The following ARGLU1 variants were observed in gnomAD, a reference collection of about 807,000 sequenced individuals.
The protein encoded by ARGLU1 is arginine and glutamate rich 1, also known as arginine and glutamate-rich protein 1.
ARGLU1 carries 9 observed loss-of-function variants against 37.6 expected under a neutral mutation model. That is an observed-to-expected ratio of 0.24 (90% CI 0.14 to 0.42). The LOEUF (loss-of-function observed/expected upper bound fraction) is 0.42, where lower values mean the gene tolerates loss of function less well. Ranked by LOEUF, ARGLU1 falls within the 10% of genes least tolerant of loss-of-function variation. The pLI is 1.00. For missense variants in ARGLU1, 211 were observed against 359.2 expected (o/e 0.59, Z 3.34); for synonymous variants, 166 against 138.5 (o/e 1.20, Z -1.39).
rs76571907 is a variant in ARGLU1 at position 106,554,379 on chromosome 13, G to C, written c.657+2669C>G. Among the ~76,000 whole-genome samples the C allele has an allele frequency of 3.5e-3, 537 of 152,116 alleles. 4 individuals carry two copies. The highest frequency in any genetic ancestry group is 0.013 in the African/African-American group (521 of 41,482). On this transcript the variant is annotated intron_variant, in intron 3 of 3. Coordinates refer to ENST00000400198, the MANE Select transcript of ARGLU1 (RefSeq NM_018011.4). ...TATATGGTATCAAGTACTTTTAATAGGAGTTTGAATGTATTTTACATATTT... is the reference window on the plus strand; with the variant it reads ...TATATGGTATCAAGTACTTTTAATACGAGTTTGAATGTATTTTACATATTT...
chr13:106,544,720 T>G (rs778938961), intron 3 of ARGLU1, among the ~76,000 whole-genome samples: 16 of 151,906 alleles, frequency 1.1e-4, no homozygotes, highest in African/African-American at 3.6e-4. Context: ...AACAGAAACA[T>G]AGGAAAAAAT....
intron 3 of ARGLU1, among the ~76,000 whole-genome samples, chr13:106,548,881 TG>T (rs1406548447): frequency 3.3e-5 from 5 of 152,202 alleles, no homozygotes; most frequent in African/African-American, 9.7e-5. Flanking sequence ...CCCGAGTAGC[TG>T]GGACTACAGG....
rs2138961527 is a variant in ARGLU1, at chr13:106,544,177, A to G, written c.658-17T>C. The G allele has an allele frequency of 2.6e-6, 4 of 1,529,916 alleles. No individual in the cohort carries two copies. In the Middle Eastern group the frequency reaches 9.5e-4, roughly 362 times the overall value. 94.8% of individuals were successfully genotyped at this position (1,529,916 alleles called of 1,614,324 possible). A position where few individuals can be genotyped will look rare whatever the true frequency, so the allele number is the denominator to read the frequency against. On this transcript the variant is annotated splice_polypyrimidine_tract_variant and intron_variant, in intron 3 of 3. Transcript: ENST00000400198. ...TTCTTCGGCCTGAAAGTTAAAAGTA[A>G]AAATTAATTATAGAAATGTATTAAA...
In ARGLU1 at chr13:106,557,730, A is replaced by G; in HGVS notation, c.574-599T>C. 7.3e-7 allele frequency: 1 copy of G among 1,366,478 alleles called. No homozygotes were observed. Among genetic ancestry groups the G allele is most frequent in the Non-Finnish European group, 9.5e-7 (1 of 1,048,078 alleles). The allele number at this position is 1,366,478 out of a possible 1,614,324, so 84.6% of individuals were successfully genotyped here. A position where few individuals can be genotyped will look rare whatever the true frequency, so the allele number is the denominator to read the frequency against. ...CTGAGGAATGCAGATGTTTATGGTA[A>G]GAAGGAACAAAAAATGTAATTCATC... On this transcript the variant is annotated intron_variant, in intron 2 of 3. Coordinates refer to ENST00000400198, the MANE Select transcript of ARGLU1 (RefSeq NM_018011.4). The surrounding 1 kb of genome is among the most constrained non-coding windows in gnomAD (Gnocchi z 5.0).
intron 3 of ARGLU1, among the ~76,000 whole-genome samples, chr13:106,553,564 G>T (rs148267875): frequency 7.2e-5 from 11 of 152,168 alleles, no homozygotes; most frequent in African/African-American, 2.4e-4. Context: ...CAGGTAAAGA[G>T]GTATCTGTAT....
rs1021842277 is a variant in ARGLU1 at position 106,567,674 on chromosome 13, G to T, written c.246C>A (p.Ile82=). The T allele has an allele frequency of 6.2e-7, 1 of 1,613,432 alleles. No individual in the cohort carries two copies. The highest frequency in any genetic ancestry group is 8.5e-7 in the Non-Finnish European group (1 of 1,179,662). The change falls in exon 1 of 4, where the codon ATC becomes ATA. Residue 82 remains isoleucine, a synonymous_variant. Transcript: ENST00000400198. The surrounding 1 kb of genome is among the most constrained non-coding windows in gnomAD (Gnocchi z 4.3). ...RERASSPPDR[I]DIFGRTVSKR... ...TGCTCACCGTGCGCCCGAAGATGTC[G>T]ATGCGGTCGGGCGGGGACGAGGCGC...
At chr13:106,566,654 C>T (rs1880971381) in intron 1 of ARGLU1, among the ~76,000 whole-genome samples, 1 of 152,194 alleles carries the variant, frequency 6.6e-6, no homozygotes, top group African/African-American at 2.4e-5. Context: ...GATTATTTAT[C>T]CACATCTACT....
chr13:106,559,093 A>C (rs1880729771), intron 2 of ARGLU1: 2 of 1,235,358 alleles, frequency 1.6e-6, no homozygotes, highest in African/African-American at 3.1e-5. Context: ...TGGATTTTTA[A>C]CCTTTTCCCT....
intron 3 of ARGLU1, among the ~76,000 whole-genome samples, chr13:106,544,998 T>A (rs1395246241): frequency 6.6e-6 from 1 of 152,170 alleles, no homozygotes; most frequent in African/African-American, 2.4e-5. Flanking sequence ...TTTACCAAAG[T>A]CAGGCCCTTC....
At chr13:106,551,706 T>C (rs746175913) in intron 3 of ARGLU1, among the ~76,000 whole-genome samples, 13 of 152,200 alleles carry the variant, frequency 8.5e-5, no homozygotes, top group South Asian at 2.1e-4. Context: ...CTGGAGTCTT[T>C]AGCGGAGAGT....
At chr13:106,544,188 T>C (rs373211319) in intron 3 of ARGLU1, 28 bp from the exon 4 acceptor site, 12 of 1,508,386 alleles carry the variant, frequency 8.0e-6, no homozygotes, top group South Asian at 1.3e-5. Context: ...AAATTAATTA[T>C]AGAAATGTAT....
At chr13:106,554,900 A>G (rs1360468917) in intron 3 of ARGLU1, among the ~76,000 whole-genome samples, 1 of 152,070 alleles carries the variant, frequency 6.6e-6, no homozygotes, top group Non-Finnish European at 1.5e-5. Context: ...GAAAAAAAAA[A>G]AAAATTTCTC....
In ARGLU1 at chr13:106,556,290, GCTCA is replaced by G. The variant is rs1418676471; in HGVS notation, c.657+754_657+757del. Among the ~76,000 whole-genome samples, 7 of 152,272 alleles carry G rather than the reference GCTCA, an allele frequency of 4.6e-5. No homozygotes were observed. The East Asian group carries it at 9.7e-4, about 21-fold the overall frequency. On this transcript the variant is annotated intron_variant, in intron 3 of 3. Coordinates refer to ENST00000400198, the MANE Select transcript of ARGLU1 (RefSeq NM_018011.4). The stretch of plus-strand genomic sequence containing the variant: ...ATTTACCAAGAATCCATTGTGCCAT[GCTCA>G]CTAAGTTATCTGGAATATTTCTAGC...
rs372122125 is a variant in ARGLU1 at position 106,566,936 on chromosome 13, CT to C, written c.347+636del. ...TCGCACTGTACACTTAAGGTCTATG[CT>C]TTTTTTTTTTAACATCTCAAGGAAG... On this transcript the variant is annotated intron_variant, in intron 1 of 3. Transcript: ENST00000400198. 4.2e-3 allele frequency among the ~76,000 whole-genome samples: 608 copies of C among 145,722 alleles called. 3 individuals carry two copies. The highest frequency in any genetic ancestry group is 0.013 in the African/African-American group (510 of 39,940).
chr13:106,543,495 T>C lies in ARGLU1; in HGVS notation c.*501A>G, dbSNP rs1306295204. On this transcript the variant is annotated 3_prime_UTR_variant, in exon 4 of 4. Coordinates refer to ENST00000400198, the MANE Select transcript of ARGLU1 (RefSeq NM_018011.4). ...TGTTTCCTTACCTGTATCAGGAACATCAAGAGCAACAGTATCACAAGGACA... is the reference window on the plus strand; with the variant it reads ...TGTTTCCTTACCTGTATCAGGAACACCAAGAGCAACAGTATCACAAGGACA... 6.5e-6 allele frequency: 1 copy of C among 152,802 alleles called. No homozygotes were observed. The highest frequency in any genetic ancestry group is 1.5e-5 in the Non-Finnish European group (1 of 68,246). 9.5% of individuals were successfully genotyped at this position (152,802 alleles called of 1,614,324 possible). A position where few individuals can be genotyped will look rare whatever the true frequency, so the allele number is the denominator to read the frequency against.
At chr13:106,547,793 GGGA>G (rs1452953481) in intron 3 of ARGLU1, among the ~76,000 whole-genome samples, 2 of 74,562 alleles carry the variant, frequency 2.7e-5, no homozygotes, top group African/African-American at 1.1e-4. Context: ...GTAAGGTAAA[GGGA>G]CTTCACTGTT....
chr13:106,561,729 T>C (rs913573823), intron 1 of ARGLU1: 3 of 152,218 alleles, frequency 2.0e-5, no homozygotes, highest in East Asian at 1.9e-4. Context: ...AAGGTTATTT[T>C]TGGCAGTCAA....
chr13:106,567,818 C>T lies in ARGLU1; in HGVS notation c.102G>A (p.Lys34=). 1 of 1,613,748 alleles carries T rather than the reference C, an allele frequency of 6.2e-7. No homozygotes were observed. ...ATTTGGAACGCTTCCGCACGCGCTC[C>T]TTGTCCCGGGATCGCGACCGGGACC... ...RSRSRSRSRD[K]ERVRKRSKSR... is the part of the protein sequence containing the mutation. The change falls in exon 1 of 4, where the codon AAG becomes AAA. Residue 34 remains lysine, a synonymous_variant. Transcript: ENST00000400198. This position sits in a 1 kb window ranked among gnomAD's most constrained non-coding sequence, Gnocchi z 4.3.
Position 106,559,422 on chromosome 13 carries a change from C to T in ARGLU1, c.573+10G>A, listed in dbSNP as rs747449379. The T allele has an allele frequency of 1.2e-6, 2 of 1,613,632 alleles. No homozygotes were observed. The highest frequency in any genetic ancestry group is 1.3e-5 in the African/African-American group (1 of 74,914). ...GGACTGTCTCTACTTTCCAAACGAC[C>T]GAGCGTTACCTCTCTAGCTTTTTGT... On this transcript the variant is annotated intron_variant, in intron 2 of 3. Transcript: ENST00000400198.
Sources: gnomAD v4.1 joint callset for allele counts (sites outside exome capture counted in the v4.1 genomes callset) on GRCh38, gnomAD v4.1.1 for gene constraint, Gnocchi (gnomAD v3.1) non-coding constraint, MANE v1.5 for transcripts, NCBI Gene and HGNC (gene_info 2026-07-23, HGNC 2026-07-21) for gene names.